XRCC4: variants seen among roughly 807,000 people sequenced by gnomAD.
XRCC4 encodes the protein X-ray repair cross complementing 4.
A neutral mutation model predicts 39.1 loss-of-function variants in XRCC4; 28 were observed. The ratio of observed to expected loss-of-function variants is 0.72; its 90% CI spans 0.53 to 0.98. The LOEUF (loss-of-function observed/expected upper bound fraction) is 0.98, where lower values mean the gene tolerates loss of function less well. Among genes scored for constraint, XRCC4 ranks in the 50% least tolerant of loss-of-function variants. XRCC4 has a pLI of 0.00. For synonymous variants in XRCC4, 123 were observed against 126.4 expected (o/e 0.97, Z 0.18); for missense variants, 350 against 376.4 (o/e 0.93, Z 0.58).
intron 1 of XRCC4, among the ~76,000 whole-genome samples, chr5:83,078,755 A>T (rs28383127): frequency 0.012 from 1,857 of 152,366 alleles, 17 homozygotes; most frequent in Non-Finnish European, 0.019. Context: ...ATTGCAGCAT[A>T]GGAACAAAGA....
chr5:83,368,886 C>T, the XRCC4 span, among the ~76,000 whole-genome samples: 21 of 152,070 alleles, frequency 1.4e-4, no homozygotes, highest in Non-Finnish European at 5.9e-5. Flanking sequence ...AGACATAGAA[C>T]TTGGTAGATG....
intron 3 of XRCC4, among the ~76,000 whole-genome samples, chr5:83,131,412 A>C (rs1299610624): frequency 6.6e-6 from 1 of 152,144 alleles, no homozygotes; most frequent in Admixed American, 6.6e-5. Flanking sequence ...TGCAGAGCTG[A>C]GTTCAATTCC....
intron 3 of XRCC4, among the ~76,000 whole-genome samples, chr5:83,123,753 C>T (rs1175811806): frequency 6.6e-6 from 1 of 151,938 alleles, no homozygotes; most frequent in Non-Finnish European, 1.5e-5. Context: ...TTATCACAGT[C>T]TACATTGAAG....
At chr5:83,369,478 A>C in the XRCC4 span, among the ~76,000 whole-genome samples, 1 of 152,052 alleles carries the variant, frequency 6.6e-6, no homozygotes, top group Non-Finnish European at 1.5e-5. Flanking sequence ...TTTAGCTCCC[A>C]CTTCTAAGTG....
chr5:83,354,070 T>C (rs1757161180), downstream of XRCC4, among the ~76,000 whole-genome samples: 1 of 152,242 alleles, frequency 6.6e-6, no homozygotes, highest in Non-Finnish European at 1.5e-5. Flanking sequence ...CCTTCCGTGC[T>C]ACTCAAAGTT....
chr5:83,245,532 A>C (rs1357683422), intron 6 of XRCC4, among the ~76,000 whole-genome samples: 1 of 152,132 alleles, frequency 6.6e-6, no homozygotes, highest in Non-Finnish European at 1.5e-5. Context: ...TGATAAATAT[A>C]AAATAAAGGA....
At chr5:83,363,276 G>A in the XRCC4 span, among the ~76,000 whole-genome samples, 2 of 152,172 alleles carry the variant, frequency 1.3e-5, no homozygotes, top group Non-Finnish European at 1.5e-5. Context: ...GAGGAAGAGA[G>A]TGTGGCCTGA....
intron 6 of XRCC4, among the ~76,000 whole-genome samples, chr5:83,224,819 C>G (rs141755754): frequency 7.6e-4 from 116 of 152,176 alleles, no homozygotes; most frequent in African/African-American, 2.4e-3. Context: ...TTCCATGTGG[C>G]ACTTTAAAAA....
At chr5:83,152,632 C>CAAAAA (rs59213558) in intron 3 of XRCC4, among the ~76,000 whole-genome samples, 5 of 112,338 alleles carry the variant, frequency 4.5e-5, no homozygotes, top group African/African-American at 6.1e-5. Flanking sequence ...GATCCTGTCT[C>CAAAAA]AAAAAAAAAA....
At chr5:83,144,054 C>T (rs1227275565) in intron 3 of XRCC4, among the ~76,000 whole-genome samples, 1 of 152,022 alleles carries the variant, frequency 6.6e-6, no homozygotes, top group African/African-American at 2.4e-5. Context: ...CCTCATTCCC[C>T]TCTGCCTTCC....
At chr5:83,286,657 A>G (rs1754744081) in intron 7 of XRCC4, among the ~76,000 whole-genome samples, 1 of 152,106 alleles carries the variant, frequency 6.6e-6, no homozygotes, top group South Asian at 2.1e-4. Context: ...AACTGATTGA[A>G]TATATTAACG....
At chr5:83,081,171 T>C (rs969158279) in intron 1 of XRCC4, among the ~76,000 whole-genome samples, 3 of 152,216 alleles carry the variant, frequency 2.0e-5, no homozygotes, top group African/African-American at 7.2e-5. Context: ...TAGTATTAAG[T>C]TGGTATTGCA....
In XRCC4 at chr5:83,309,736, G is replaced by A. The variant is rs369482920; in HGVS notation, c.894-43395G>A. ...CGCGCCACTGCACTCCAGCCTGGGC[G>A]ACAGAGTGAGACCCGTCTCAAAAAA... On this transcript the variant is annotated intron_variant, in intron 7 of 7. Transcript: ENST00000396027. Among the ~76,000 whole-genome samples, 28 of 131,602 alleles carry A rather than the reference G, an allele frequency of 2.1e-4. No individual in the cohort carries two copies. In the South Asian group the frequency reaches 6.6e-3, roughly 31 times the overall value. The allele number at this position is 131,602 out of a possible 152,430, so 86.3% of individuals were successfully genotyped here.
At chr5:83,112,846 G>T (rs549646532) in intron 3 of XRCC4, among the ~76,000 whole-genome samples, 2 of 152,106 alleles carry the variant, frequency 1.3e-5, no homozygotes, top group Non-Finnish European at 2.9e-5. Flanking sequence ...GTTACCTCCC[G>T]CTGGGTCCCT....
chr5:83,085,448 A>G (rs1745138113), intron 1 of XRCC4, among the ~76,000 whole-genome samples: 1 of 149,166 alleles, frequency 6.7e-6, no homozygotes, highest in African/African-American at 2.5e-5. Context: ...ACGTTGGGGC[A>G]CTTAAAAAGT....
chr5:83,274,911 AT>A (rs1263837660), intron 7 of XRCC4, among the ~76,000 whole-genome samples: 3 of 152,184 alleles, frequency 2.0e-5, no homozygotes, highest in African/African-American at 7.2e-5. Flanking sequence ...TTTTTAAAAG[AT>A]TGCTATTATA....
intron 3 of XRCC4, among the ~76,000 whole-genome samples, chr5:83,172,988 A>G (rs1749799527): frequency 6.6e-6 from 1 of 152,058 alleles, no homozygotes; most frequent in African/African-American, 2.4e-5. Flanking sequence ...AACAACAGTC[A>G]CTGTTTGTTA....
chr5:83,361,295 A>G, the XRCC4 span, among the ~76,000 whole-genome samples: 5,031 of 152,106 alleles, frequency 0.033, 91 homozygotes, highest in African/African-American at 0.036. Flanking sequence ...TCTTTCAAAC[A>G]CCCTATCCTT....
chr5:83,283,702 A>G (rs1754631967), intron 7 of XRCC4, among the ~76,000 whole-genome samples: 1 of 152,208 alleles, frequency 6.6e-6, no homozygotes. Flanking sequence ...TACAAGGAAG[A>G]CATTAGAACA....
Sources: allele counts gnomAD v4.1 joint callset (sites outside exome capture counted in the v4.1 genomes callset), GRCh38; gene constraint gnomAD v4.1.1; transcripts MANE v1.5; gene names NCBI Gene and HGNC (gene_info 2026-07-23, HGNC 2026-07-21).